Variants in GSG1L observed in about 807,000 individuals in gnomAD.
The protein encoded by GSG1L is germ cell-specific gene 1-like protein.
A neutral mutation model predicts 42.1 loss-of-function variants in GSG1L; 24 were observed. That is an observed-to-expected ratio of 0.57 (90% CI 0.41 to 0.80). GSG1L has a LOEUF of 0.80. Among genes scored for constraint, GSG1L ranks in the 30% least tolerant of loss-of-function variants. The pLI, the probability that GSG1L is intolerant of heterozygous loss-of-function variation, is 0.00. For synonymous variants in GSG1L, 215 were observed against 203.5 expected, an observed-to-expected ratio of 1.06 and a Z score of -0.48; for missense variants, 445 against 472.2, an observed-to-expected ratio of 0.94 and a Z score of 0.53.
intron 3 of GSG1L, among the ~76,000 whole-genome samples, chr16:27,847,610 G>C (rs1213094215): frequency 6.6e-6 from 1 of 151,132 alleles, no homozygotes; most frequent in Non-Finnish European, 1.5e-5. Context: ...GTGTGGATCT[G>C]TGTCCCCACC....
intron 2 of GSG1L, chr16:27,888,104 T>C (rs1335505492): frequency 3.0e-6 from 3 of 985,340 alleles, no homozygotes; most frequent in Non-Finnish European, 3.6e-6. Context: ...CAGCCCCTGT[T>C]GGTGCTGGCA....
intron 2 of GSG1L, among the ~76,000 whole-genome samples, chr16:27,949,670 A>G (rs1011083027): frequency 2.0e-5 from 3 of 152,232 alleles, no homozygotes; most frequent in African/African-American, 7.2e-5. Flanking sequence ...TCACGCCTGT[A>G]ATCCCAGCAA....
At position 27,837,074 on chromosome 16, in the gene GSG1L, T is replaced by C. The variant is rs2083328787; in HGVS notation, c.662+7876A>G. On this transcript the variant is annotated intron_variant, in intron 4 of 6. Coordinates refer to ENST00000447459, the MANE Select transcript of GSG1L (RefSeq NM_001109763.2). ...TGGGCGAGTGTATTAGTCTGTGTAA[T>C]TTATAAAGGGAAGAGGTTTAACTGA... Among the ~76,000 whole-genome samples, 3 of 152,136 alleles carry C rather than the reference T, an allele frequency of 2.0e-5. No homozygotes were observed. The South Asian group carries it at 6.2e-4, about 32-fold the overall frequency.
At chr16:27,914,878 C>G (rs1273908624) in intron 2 of GSG1L, among the ~76,000 whole-genome samples, 1 of 152,016 alleles carries the variant, frequency 6.6e-6, no homozygotes, top group Non-Finnish European at 1.5e-5. Context: ...CTGGCTACAC[C>G]CACACCTAAG....
chr16:27,808,417 A>G (rs1030867627), intron 5 of GSG1L, among the ~76,000 whole-genome samples: 20 of 143,502 alleles, frequency 1.4e-4, no homozygotes, highest in African/African-American at 5.2e-4. Flanking sequence ...ACATTAAAAC[A>G]CATCTTTTTT....
chr16:27,915,198 C>T (rs1339942571), intron 2 of GSG1L, among the ~76,000 whole-genome samples: 8 of 75,900 alleles, frequency 1.1e-4, no homozygotes, highest in African/African-American at 5.7e-4. Context: ...AGAGGATGTA[C>T]ACACACACAC....
At chr16:27,804,204 G>A (rs1043483215) in intron 6 of GSG1L, among the ~76,000 whole-genome samples, 3 of 151,958 alleles carry the variant, frequency 2.0e-5, no homozygotes, top group Admixed American at 6.6e-5. Context: ...AGCGAACTCC[G>A]TCCCTGTCCT....
chr16:27,924,902 CTCT>C lies in GSG1L; in HGVS notation c.397+38251_397+38253del, dbSNP rs1247795698. Among the ~76,000 whole-genome samples, 4 of 152,338 alleles carry C rather than the reference CTCT, an allele frequency of 2.6e-5. No individual in the cohort carries two copies. In the East Asian group the frequency reaches 7.7e-4, roughly 29 times the overall value. ...AGTGGAAGAAGAGGTCGACTCACAT[CTCT>C]TAAGAGTAAGAGACCTTCCCCAGTC... On this transcript the variant is annotated intron_variant, in intron 2 of 6. Coordinates refer to ENST00000447459, the MANE Select transcript of GSG1L (RefSeq NM_001109763.2).
At chr16:27,987,870 C>T (rs1430709099) in intron 1 of GSG1L, among the ~76,000 whole-genome samples, 1 of 144,610 alleles carries the variant, frequency 6.9e-6, no homozygotes, top group Non-Finnish European at 1.5e-5. Context: ...TCACTTGAAC[C>T]CAGGAGGCAG....
At position 27,983,000 on chromosome 16, in the gene GSG1L, C is replaced by T. The variant is rs1467601891; in HGVS notation, c.350-19797G>A. Among the ~76,000 whole-genome samples the T allele has an allele frequency of 3.9e-5, 6 of 152,190 alleles. No individual in the cohort carries two copies. The East Asian group carries it at 1.2e-3, about 29-fold the overall frequency. ...TATGTAGAGTAGAACTGCCATCCACCAGGACCACCTGTGCTGACATGTTAC... is the reference window on the plus strand; with the variant it reads ...TATGTAGAGTAGAACTGCCATCCACTAGGACCACCTGTGCTGACATGTTAC... On this transcript the variant is annotated intron_variant, in intron 1 of 6. Coordinates refer to ENST00000447459, the MANE Select transcript of GSG1L (RefSeq NM_001109763.2).
At chr16:27,868,791 CAGT>C (rs2083764031) in intron 3 of GSG1L, among the ~76,000 whole-genome samples, 2 of 152,114 alleles carry the variant, frequency 1.3e-5, no homozygotes, top group Non-Finnish European at 2.9e-5. Flanking sequence ...CCAAGCCCCT[CAGT>C]GGTGCCATCG....
At chr16:27,804,052 TAGATAGA>T (rs1193409085) in intron 6 of GSG1L, among the ~76,000 whole-genome samples, 6 of 144,192 alleles carry the variant, frequency 4.2e-5, no homozygotes, top group Non-Finnish European at 9.1e-5. Context: ...GATAGATAGA[TAGATAGA>T]TAGATAGATA....
chr16:27,893,317 T>C (rs914775200), intron 2 of GSG1L, among the ~76,000 whole-genome samples: 2 of 152,184 alleles, frequency 1.3e-5, no homozygotes, highest in Non-Finnish European at 2.9e-5. Context: ...GATCCCTCCC[T>C]TGCTGAGAGA....
intron 2 of GSG1L, among the ~76,000 whole-genome samples, chr16:27,935,722 A>G (rs917123555): frequency 3.3e-5 from 5 of 151,588 alleles, no homozygotes; most frequent in African/African-American, 1.2e-4. Flanking sequence ...GTTGCAACCC[A>G]GCCCTGCTAA....
chr16:27,906,509 A>C (rs1050491734), intron 2 of GSG1L, among the ~76,000 whole-genome samples: 2 of 152,064 alleles, frequency 1.3e-5, no homozygotes. Flanking sequence ...TTGAGATGTT[A>C]GTGTGTCCAG....
intron 3 of GSG1L, among the ~76,000 whole-genome samples, chr16:27,864,855 C>T (rs1162175110): frequency 6.6e-6 from 1 of 152,218 alleles, no homozygotes; most frequent in Admixed American, 6.5e-5. Flanking sequence ...GGAAGGAGCC[C>T]AGCCCATGTG....
intron 1 of GSG1L, among the ~76,000 whole-genome samples, chr16:27,964,035 A>G (rs913926582): frequency 6.6e-6 from 1 of 152,180 alleles, no homozygotes; most frequent in Non-Finnish European, 1.5e-5. Context: ...TTTTAATGTT[A>G]CATTGTTTCC....
chr16:27,822,790 C>T (rs1433494982), intron 5 of GSG1L, among the ~76,000 whole-genome samples: 1 of 152,102 alleles, frequency 6.6e-6, no homozygotes, highest in Non-Finnish European at 1.5e-5. Flanking sequence ...GAGTGGTAAC[C>T]AGGAAAAGCA....
intron 1 of GSG1L, among the ~76,000 whole-genome samples, chr16:28,022,135 C>T (rs973679614): frequency 1.3e-5 from 2 of 152,032 alleles, no homozygotes; most frequent in Non-Finnish European, 1.5e-5. Context: ...AATTGACCGT[C>T]GTAATAACAC....
Sources: gnomAD v4.1 joint callset for allele counts (sites outside exome capture counted in the v4.1 genomes callset) on GRCh38, gnomAD v4.1.1 for gene constraint, MANE v1.5 for transcripts, NCBI Gene and HGNC (gene_info 2026-07-23, HGNC 2026-07-21) for gene names.